NFASC: variants seen among roughly 807,000 people sequenced by gnomAD.
NFASC encodes neurofascin homolog.
Under a neutral mutation model 147.5 loss-of-function variants are expected in NFASC, and 43 were observed. The ratio of observed to expected loss-of-function variants is 0.29; its 90% CI spans 0.23 to 0.38. The LOEUF (loss-of-function observed/expected upper bound fraction) is 0.38. NFASC is among the 10% of genes least tolerant of loss of function. The probability of loss-of-function intolerance (pLI) is 1.00; values close to 1 mark genes in which losing one functional copy is unlikely to be tolerated. For synonymous variants in NFASC, 622 were observed against 665.5 expected, an observed-to-expected ratio of 0.93 and a Z score of 1.01; for missense variants, 1,320 against 1,689.0, an observed-to-expected ratio of 0.78 and a Z score of 3.83.
intron 1 of NFASC, among the ~76,000 whole-genome samples, chr1:204,919,971 T>G (rs150251528): frequency 9.4e-4 from 143 of 152,322 alleles, no homozygotes; most frequent in African/African-American, 3.3e-3. Context: ...AATATGTTAT[T>G]GCTACCAAGA....
In NFASC at chr1:204,898,744, C is replaced by T. The variant is rs538781565; in HGVS notation, c.-199-21888C>T. The stretch of plus-strand genomic sequence containing the variant: ...CAGACATGTAAGGGTTGAGCATCGG[C>T]ACCAGCTCACACAGATCTCCTTTCA... On this transcript the variant is annotated intron_variant, in intron 1 of 29. Coordinates refer to ENST00000339876, the MANE Select transcript of NFASC (RefSeq NM_001005388.3). Among the ~76,000 whole-genome samples, 230 of 152,314 alleles carry T rather than the reference C, an allele frequency of 1.5e-3. 1 individual carries two copies. Among genetic ancestry groups the T allele is most frequent in the African/African-American group, 4.7e-3 (197 of 41,574 alleles).
At position 205,015,668 on chromosome 1, in the gene NFASC, C is replaced by T. The variant is rs1394270833; in HGVS notation, c.3492-640C>T. Among the ~76,000 whole-genome samples the T allele has an allele frequency of 1.3e-5, 2 of 150,804 alleles. No homozygotes were observed. The highest frequency in any genetic ancestry group is 2.1e-4 in the South Asian group (1 of 4,810). On this transcript the variant is annotated intron_variant, in intron 29 of 29. Transcript: ENST00000339876. The surrounding 1 kb of genome is among the most constrained non-coding windows in gnomAD (Gnocchi z 4.0). ...TGGCATCACCTGCTTACCTGTGTGC[C>T]CCCCCACCACCACCACTCTTGCGCA...
intron 1 of NFASC, among the ~76,000 whole-genome samples, chr1:204,914,083 A>C (rs2088498524): frequency 6.6e-6 from 1 of 152,218 alleles, no homozygotes; most frequent in Non-Finnish European, 1.5e-5. Flanking sequence ...TCAGGAAAAA[A>C]AATAATGATG....
chr1:205,014,294 C>G (rs1019814903), intron 29 of NFASC, among the ~76,000 whole-genome samples: 1 of 152,212 alleles, frequency 6.6e-6, no homozygotes, highest in Non-Finnish European at 1.5e-5. Flanking sequence ...CCCCTACACG[C>G]ACACACCCCT....
chr1:204,972,938 A>T (rs1294712487), intron 11 of NFASC, among the ~76,000 whole-genome samples: 1 of 152,244 alleles, frequency 6.6e-6, no homozygotes, highest in African/African-American at 2.4e-5. Flanking sequence ...ACAGAGATTG[A>T]ATGATGCTGG....
intron 5 of NFASC, among the ~76,000 whole-genome samples, chr1:204,952,743 C>T (rs1042073636): frequency 9.2e-5 from 14 of 152,174 alleles, no homozygotes; most frequent in African/African-American, 1.2e-4. Flanking sequence ...ACATGACAGA[C>T]GTTATTATCT....
At chr1:204,951,970 G>A in intron 4 of NFASC, 41 bp from the exon 5 acceptor site, 1 of 1,550,612 alleles carries the variant, frequency 6.4e-7, no homozygotes, top group Non-Finnish European at 8.9e-7. Context: ...CCCCAGGGAG[G>A]TCCCTGCAGC....
Position 204,978,987 on chromosome 1 carries a change from G to A in NFASC, c.1896G>A (p.Arg632=). The part of the protein sequence containing the change: ...ALPKGRPDRP[R]DLELTDLAER... ...CACCAGGACGGCCAGACCGGCCCCG[G>A]GACCTGGAGCTGACCGACCTGGCCG... Residue 632 remains arginine (R), a synonymous_variant, in exon 18 of 30, where the codon CGG becomes CGA. Transcript: ENST00000339876. 6.4e-7 allele frequency: 1 copy of A among 1,558,658 alleles called. No individual in the cohort carries two copies.
At chr1:204,839,163 A>G (rs1231039211) in intron 1 of NFASC, among the ~76,000 whole-genome samples, 1 of 152,196 alleles carries the variant, frequency 6.6e-6, no homozygotes, top group African/African-American at 2.4e-5. Flanking sequence ...GTAATCCCTC[A>G]TAAAGGCCTA....
In NFASC at chr1:204,957,824, C is replaced by T. The variant is rs1313385378; in HGVS notation, c.704C>T (p.Thr235Ile). ...AACCCTTTCACCCTCAAGGTCCTCA[C>T]CAGTAAGTGAAGGCCCCTGTCCCGG... ...QKNPFTLKVLTTRGVAERTPS... is the reference protein window; with the variant it reads ...QKNPFTLKVLITRGVAERTPS... Residue 235 changes from threonine to isoleucine, a missense_variant and splice_region_variant, in exon 8 of 30, where the codon ACC becomes ATC. Transcript: ENST00000339876. The T allele has an allele frequency of 6.2e-7, 1 of 1,614,032 alleles. No individual in the cohort carries two copies. Among genetic ancestry groups the T allele is most frequent in the African/African-American group, 1.3e-5 (1 of 74,940 alleles).
rs1425295399 is a variant in NFASC at position 204,978,737 on chromosome 1, C to G, written c.1877-231C>G. Among the ~76,000 whole-genome samples the G allele has an allele frequency of 2.0e-5, 3 of 151,586 alleles. No homozygotes were observed. The East Asian group carries it at 5.8e-4, about 29-fold the overall frequency. On this transcript the variant is annotated intron_variant, in intron 17 of 29. Coordinates refer to ENST00000339876, the MANE Select transcript of NFASC (RefSeq NM_001005388.3). ...AGCCCCTTTATTTCCTTGTTCCACA[C>G]CCATTGATATTCTTTGTGGGGGGGG... is the stretch of plus-strand genomic sequence containing the variant.
intron 17 of NFASC, among the ~76,000 whole-genome samples, 160 bp from the exon 18 acceptor site, chr1:204,978,808 T>G (rs1288091266): frequency 1.3e-5 from 2 of 152,118 alleles, no homozygotes; most frequent in Non-Finnish European, 2.9e-5. Context: ...TGGGCCCCTG[T>G]GGGAAGGGAG....
rs1010358664 is a variant in NFASC at position 204,975,716 on chromosome 1, G to A, written c.1706+298G>A. ...TCCTCTCCCTGTCTCCCCTCACTTCGCCTCTTTTCCCTTTCATTTTTGCCC... is the reference window on the plus strand; with the variant it reads ...TCCTCTCCCTGTCTCCCCTCACTTCACCTCTTTTCCCTTTCATTTTTGCCC... On this transcript the variant is annotated intron_variant, in intron 15 of 29. Coordinates refer to ENST00000339876, the MANE Select transcript of NFASC (RefSeq NM_001005388.3). The surrounding 1 kb of genome is among the most constrained non-coding windows in gnomAD (Gnocchi z 4.0). 6.6e-6 allele frequency among the ~76,000 whole-genome samples: 1 copy of A among 151,488 alleles called. No individual in the cohort carries two copies. The highest frequency in any genetic ancestry group is 2.4e-5 in the African/African-American group (1 of 41,154).
At chr1:205,013,000 C>A in intron 29 of NFASC, 134 bp downstream of exon 29, 1 of 683,510 alleles carries the variant, frequency 1.5e-6, no homozygotes, top group Admixed American at 2.3e-5. Flanking sequence ...TGTGACTCTG[C>A]CTCTCTGGTG....
chr1:204,912,565 C>T lies in NFASC; in HGVS notation c.-199-8067C>T, dbSNP rs184517912. ...ATAAATAATAATAAATTAGTTGATGCGGTGGCAAGCATCTGTGGTCCCAGC... is the reference window on the plus strand; with the variant it reads ...ATAAATAATAATAAATTAGTTGATGTGGTGGCAAGCATCTGTGGTCCCAGC... On this transcript the variant is annotated intron_variant, in intron 1 of 29. Transcript: ENST00000339876. Among the ~76,000 whole-genome samples, 8 of 151,844 alleles carry T rather than the reference C, an allele frequency of 5.3e-5. No individual in the cohort carries two copies. In the South Asian group the frequency reaches 6.3e-4, roughly 12 times the overall value.
chr1:204,962,235 C>A, intron 8 of NFASC: 1 of 1,240,712 alleles, frequency 8.1e-7, no homozygotes, highest in South Asian at 1.2e-5. Flanking sequence ...GATACCACGT[C>A]ATTAACTCCT....
intron 1 of NFASC, among the ~76,000 whole-genome samples, chr1:204,890,964 C>T (rs776732217): frequency 6.6e-6 from 1 of 152,170 alleles, no homozygotes; most frequent in Non-Finnish European, 1.5e-5. Flanking sequence ...GGTAGTGGGC[C>T]AGGCCTTCTC....
intron 21 of NFASC, chr1:204,984,138 A>T (rs1265945730): frequency 1.1e-5 from 17 of 1,611,886 alleles, no homozygotes; most frequent in Non-Finnish European, 1.4e-5. Context: ...CTCAGAGAGT[A>T]CCGAGTGAGG....
chr1:204,993,178 T>C (rs527543704), intron 24 of NFASC, among the ~76,000 whole-genome samples: 1 of 152,294 alleles, frequency 6.6e-6, no homozygotes, highest in Admixed American at 6.5e-5. Flanking sequence ...TGGGCACTAT[T>C]TCCCCAAACT....
Sources: gnomAD v4.1 joint callset for allele counts (sites outside exome capture counted in the v4.1 genomes callset) on GRCh38, gnomAD v4.1.1 for gene constraint, Gnocchi (gnomAD v3.1) non-coding constraint, MANE v1.5 for transcripts, NCBI Gene and HGNC (gene_info 2026-07-23, HGNC 2026-07-21) for gene names.